Variants in CDK6 observed in about 807,000 individuals in gnomAD.
CDK6 encodes the protein cyclin dependent kinase 6.
In CDK6, 6 loss-of-function variants were observed where a neutral mutation model predicts 37.1. That is an observed-to-expected ratio of 0.16 (90% CI 0.09 to 0.32). The LOEUF (loss-of-function observed/expected upper bound fraction) is 0.32. Ranked by LOEUF, CDK6 falls within the 10% of genes least tolerant of loss-of-function variation. The probability of loss-of-function intolerance (pLI) is 1.00; values close to 1 mark genes in which losing one functional copy is unlikely to be tolerated. For missense variants in CDK6, 224 were observed against 418.9 expected, an observed-to-expected ratio of 0.53 and a Z score of 4.06; for synonymous variants, 160 against 161.3, an observed-to-expected ratio of 0.99 and a Z score of 0.06.
chr7:92,755,609 A>C (rs1799297636), intron 3 of CDK6, among the ~76,000 whole-genome samples: 1 of 152,198 alleles, frequency 6.6e-6, no homozygotes, highest in East Asian at 1.9e-4. Context: ...CAAACCAAGG[A>C]GGTGGCATTT....
chr7:92,774,294 A>G (rs1045878942), intron 3 of CDK6, among the ~76,000 whole-genome samples: 4 of 152,230 alleles, frequency 2.6e-5, no homozygotes, highest in Non-Finnish European at 5.9e-5. Flanking sequence ...CAATCATAAT[A>G]TACAATGTGC....
At chr7:92,749,197 TAA>T (rs75300713) in intron 3 of CDK6, among the ~76,000 whole-genome samples, 52 of 82,678 alleles carry the variant, frequency 6.3e-4, no homozygotes, top group Middle Eastern at 8.3e-3. Flanking sequence ...AGACTCTGCC[TAA>T]AAAAAAAAAA....
At chr7:92,689,256 C>A (rs1354581314) in intron 4 of CDK6, among the ~76,000 whole-genome samples, 1 of 152,158 alleles carries the variant, frequency 6.6e-6, no homozygotes, top group African/African-American at 2.4e-5. Context: ...GCACCCTCCA[C>A]CCTCCAATAG....
At position 92,834,502 on chromosome 7, in the gene CDK6, G is replaced by A. The variant is rs549591003; in HGVS notation, c.-367-812C>T. The stretch of plus-strand genomic sequence containing the variant: ...GGTGGGCGAGCGAGCGGTCCTGGGG[G>A]AGGGGAGACACCGTCCCCCACGGGA... On this transcript the variant is annotated intron_variant, in intron 1 of 7. Transcript: ENST00000424848. The surrounding 1 kb of genome is among the most constrained non-coding windows in gnomAD (Gnocchi z 4.6). Among the ~76,000 whole-genome samples the A allele has an allele frequency of 3.3e-5, 5 of 151,588 alleles. No individual in the cohort carries two copies. The highest frequency in any genetic ancestry group is 5.9e-5 in the Non-Finnish European group (4 of 67,878).
intron 4 of CDK6, among the ~76,000 whole-genome samples, chr7:92,715,030 A>C (rs934848246): frequency 6.6e-6 from 1 of 152,206 alleles, no homozygotes; most frequent in African/African-American, 2.4e-5. Context: ...CCTCACTGAA[A>C]TCATCCAGCG....
chr7:92,686,941 T>C (rs774087485), intron 4 of CDK6, among the ~76,000 whole-genome samples: 14 of 152,208 alleles, frequency 9.2e-5, no homozygotes, highest in Non-Finnish European at 1.8e-4. Flanking sequence ...TGTCTATTCA[T>C]GTCCTTAGCC....
intron 4 of CDK6, among the ~76,000 whole-genome samples, chr7:92,679,669 T>C (rs1294318935): frequency 6.6e-6 from 1 of 152,194 alleles, no homozygotes; most frequent in East Asian, 1.9e-4. Context: ...TTGTGTGAAG[T>C]GAAAATCAAA....
chr7:92,698,972 T>C (rs1362975264), intron 4 of CDK6, among the ~76,000 whole-genome samples: 1 of 152,232 alleles, frequency 6.6e-6, no homozygotes, highest in Admixed American at 6.5e-5. Flanking sequence ...ATAAGCATGC[T>C]ACTATTATAA....
intron 5 of CDK6, among the ~76,000 whole-genome samples, chr7:92,669,169 AGAAT>A (rs1585384333): frequency 1.3e-5 from 2 of 152,244 alleles, no homozygotes; most frequent in Non-Finnish European, 2.9e-5. Flanking sequence ...ATTGGAACAT[AGAAT>A]GAATTTTCCC....
chr7:92,627,863 G>A (rs920676114), intron 5 of CDK6, among the ~76,000 whole-genome samples: 2 of 151,798 alleles, frequency 1.3e-5, no homozygotes, highest in Non-Finnish European at 2.9e-5. Flanking sequence ...CAAACATTAC[G>A]GATTCAGGAG....
intron 3 of CDK6, among the ~76,000 whole-genome samples, chr7:92,772,269 G>A (rs1799736000): frequency 6.6e-6 from 1 of 152,048 alleles, no homozygotes. Context: ...AGCAAAAAAT[G>A]TTTGATTAAC....
chr7:92,817,810 G>A (rs1214961681), intron 2 of CDK6, among the ~76,000 whole-genome samples: 1 of 151,770 alleles, frequency 6.6e-6, no homozygotes, highest in Non-Finnish European at 1.5e-5. Context: ...CAAGACACAA[G>A]GTCACTATAC....
rs1584133994 is a variant in CDK6 at position 92,834,047 on chromosome 7, A to G, written c.-367-357T>C. The G allele has an allele frequency of 2.5e-6, 1 of 394,386 alleles. No homozygotes were observed. The highest frequency in any genetic ancestry group is 4.5e-6 in the Non-Finnish European group (1 of 224,004). The allele number at this position is 394,386 out of a possible 1,614,324, so 24.4% of individuals were successfully genotyped here. A position where few individuals can be genotyped will look rare whatever the true frequency, so the allele number is the denominator to read the frequency against. ...CCGGGCACGTCAATGTCACGGCTTA[A>G]TATTTATCCCTATATCATTGTGTTG... On this transcript the variant is annotated intron_variant, in intron 1 of 7. Transcript: ENST00000424848. This position sits in a 1 kb window ranked among gnomAD's most constrained non-coding sequence, Gnocchi z 4.6.
intron 2 of CDK6, among the ~76,000 whole-genome samples, chr7:92,790,456 T>C (rs887191871): frequency 2.6e-5 from 4 of 152,302 alleles, no homozygotes; most frequent in South Asian, 2.1e-4. Context: ...ATCGATAGCA[T>C]TGAACAAATG....
At chr7:92,625,213 TAACTA>T (rs1443928027) in intron 5 of CDK6, among the ~76,000 whole-genome samples, 7 of 141,106 alleles carry the variant, frequency 5.0e-5, no homozygotes, top group Non-Finnish European at 9.1e-5. Flanking sequence ...AATTAAGTGG[TAACTA>T]AACACACACA....
At chr7:92,815,727 G>C (rs1329915211) in intron 2 of CDK6, among the ~76,000 whole-genome samples, 4 of 152,156 alleles carry the variant, frequency 2.6e-5, no homozygotes, top group Non-Finnish European at 4.4e-5. Context: ...GCTAAAATTT[G>C]GAAGACACAA....
At chr7:92,623,951 C>A (rs1441262978) in intron 5 of CDK6, among the ~76,000 whole-genome samples, 4 of 152,134 alleles carry the variant, frequency 2.6e-5, no homozygotes, top group African/African-American at 2.4e-5. Context: ...CATTAATGTA[C>A]TAAAATAGTT....
chr7:92,627,214 C>T (rs1795947677), intron 5 of CDK6, among the ~76,000 whole-genome samples: 1 of 152,090 alleles, frequency 6.6e-6, no homozygotes, highest in Admixed American at 6.6e-5. Context: ...CAAACAACCA[C>T]ACATAATGTG....
At chr7:92,639,127 A>C (rs1796241885) in intron 5 of CDK6, among the ~76,000 whole-genome samples, 1 of 152,198 alleles carries the variant, frequency 6.6e-6, no homozygotes, top group African/African-American at 2.4e-5. Flanking sequence ...TTTTCTCAAA[A>C]TATTAAAAAA....
Sources: gnomAD v4.1 joint callset for allele counts (sites outside exome capture counted in the v4.1 genomes callset) on GRCh38, gnomAD v4.1.1 for gene constraint, Gnocchi (gnomAD v3.1) non-coding constraint, MANE v1.5 for transcripts, NCBI Gene and HGNC (gene_info 2026-07-23, HGNC 2026-07-21) for gene names.